The following PEG3 variants were observed in gnomAD, a reference collection of about 807,000 sequenced individuals.
The protein encoded by PEG3 is paternally expressed 3, also known as paternally-expressed gene 3 protein.
A neutral mutation model predicts 35.5 loss-of-function variants in PEG3; 23 were observed. The ratio of observed to expected loss-of-function variants is 0.65; its 90% CI spans 0.47 to 0.92. PEG3 has a LOEUF of 0.92. Ranked by LOEUF, PEG3 falls within the 40% of genes least tolerant of loss-of-function variation. The pLI, the probability that PEG3 is intolerant of heterozygous loss-of-function variation, is 0.00. For missense variants in PEG3, 1,960 were observed against 1,985.3 expected (o/e 0.99, Z 0.24); for synonymous variants, 707 against 697.0 (o/e 1.01, Z -0.23).
rs112514758 is a variant in PEG3 at position 56,815,917 on chromosome 19, T to G, written c.2525A>C (p.Lys842Thr). 1.2e-6 allele frequency: 2 copies of G among 1,610,722 alleles called. No homozygotes were observed. Among genetic ancestry groups the G allele is most frequent in the Admixed American group, 3.3e-5 (2 of 59,742 alleles). Residue 842 changes from lysine (K) to threonine (T), a missense_variant, in exon 10 of 10, where the codon AAA (lysine) becomes ACA (threonine). Lys to Thr is a moderately conservative substitution (Grantham distance 78). Coordinates refer to ENST00000326441, the MANE Select transcript of PEG3 (RefSeq NM_006210.3). The part of the protein sequence containing the change: ...RSVIHSLVAS[K>T]PPRSHNGNEL... ...ATTTCCATTGTGACTTCTTGGAGGT[T>G]TGGAAGCCACTAAGCTATGGATAAC...
In PEG3 at chr19:56,812,167, A is replaced by C. The variant is rs1257795646; in HGVS notation, c.*1508T>G. The C allele has an allele frequency of 6.2e-6, 6 of 963,388 alleles. No homozygotes were observed. The Admixed American group carries it at 3.1e-4, about 50-fold the overall frequency. 59.7% of individuals were successfully genotyped at this position (963,388 alleles called of 1,614,324 possible). A position where few individuals can be genotyped will look rare whatever the true frequency, so the allele number is the denominator to read the frequency against. On this transcript the variant is annotated 3_prime_UTR_variant, in exon 10 of 10. Coordinates refer to ENST00000326441, the MANE Select transcript of PEG3 (RefSeq NM_006210.3). Reference sequence around the variant, plus strand: ...TTTTTTTTCCAGCCAACTCAAGGCCAAAAAAAATTTCTTAATATAGTTATT... The same window carrying C: ...TTTTTTTTCCAGCCAACTCAAGGCCCAAAAAAATTTCTTAATATAGTTATT...
rs2060066183 is a variant in PEG3 at position 56,817,266 on chromosome 19, C to T, written c.1176G>A (p.Arg392=). Residue 392 remains arginine, a synonymous_variant, in exon 10 of 10, where the codon AGG becomes AGA. Coordinates refer to ENST00000326441, the MANE Select transcript of PEG3 (RefSeq NM_006210.3). ...VSRKRVLERK[R]RYHFDTDGKG... is the part of the protein sequence containing the mutation. ...TCCCATCTGTGTCAAAATGATAGCG[C>T]CTCTTTCTTTCAAGAACTCTCTTTC... 2 of 1,613,978 alleles carry T rather than the reference C, an allele frequency of 1.2e-6. No individual in the cohort carries two copies. The highest frequency in any genetic ancestry group is 2.7e-5 in the African/African-American group (2 of 74,892).
At chr19:56,832,402 G>A (rs758819985) in intron 2 of PEG3, among the ~76,000 whole-genome samples, 1 of 152,158 alleles carries the variant, frequency 6.6e-6, no homozygotes, top group Admixed American at 6.5e-5. Flanking sequence ...CACGCATCAA[G>A]CTCCACACCC....
At chr19:56,830,623 G>C (rs1165917361) in intron 2 of PEG3, among the ~76,000 whole-genome samples, 1 of 152,062 alleles carries the variant, frequency 6.6e-6, no homozygotes, top group Admixed American at 6.5e-5. Flanking sequence ...TATAAATATG[G>C]GGCAAGCATT....
Position 56,810,480 on chromosome 19 carries a change from G to A in PEG3, c.*3195C>T. The A allele has an allele frequency of 1.0e-6, 1 of 984,972 alleles. No homozygotes were observed. Among genetic ancestry groups the A allele is most frequent in the Non-Finnish European group, 1.2e-6 (1 of 829,518 alleles). The allele number at this position is 984,972 out of a possible 1,614,324, so 61.0% of individuals were successfully genotyped here. A position where few individuals can be genotyped will look rare whatever the true frequency, so the allele number is the denominator to read the frequency against. On this transcript the variant is annotated 3_prime_UTR_variant, in exon 10 of 10. Coordinates refer to ENST00000326441, the MANE Select transcript of PEG3 (RefSeq NM_006210.3). ...CCTAATAATCACAGACTAGTGCACAGATCAAGATGTTAACAGTTAATTGTT... is the reference window on the plus strand; with the variant it reads ...CCTAATAATCACAGACTAGTGCACAAATCAAGATGTTAACAGTTAATTGTT...
At chr19:56,838,847 C>A (rs2062555635) in intron 1 of PEG3, among the ~76,000 whole-genome samples, 1 of 152,180 alleles carries the variant, frequency 6.6e-6, no homozygotes, top group South Asian at 2.1e-4. Context: ...AACCGTGGCC[C>A]CGCCCCTCCC....
In PEG3 at chr19:56,814,205, C is replaced by T. The variant is rs1389655072; in HGVS notation, c.4237G>A (p.Val1413Met). ...TCTCCGTTTGGCTCAGCAGCCTCCA[C>T]TTCTGGCTCAGCAGCCTCCACTTCT... The part of the protein sequence containing the change: ...EPEVEAAEPE[V>M]EAAEPNGEAE... Residue 1413 changes from valine (V) to methionine (M), a missense_variant, in exon 10 of 10, where the codon GTG becomes ATG. Val to Met is a conservative substitution (Grantham distance 21). Coordinates refer to ENST00000326441, the MANE Select transcript of PEG3 (RefSeq NM_006210.3). The surrounding 1 kb of genome is among the most constrained non-coding windows in gnomAD (Gnocchi z 5.8). The T allele has an allele frequency of 6.2e-7, 1 of 1,611,528 alleles. No individual in the cohort carries two copies. The highest frequency in any genetic ancestry group is 8.5e-7 in the Non-Finnish European group (1 of 1,178,268).
intron 4 of PEG3, 111 bp downstream of exon 4, chr19:56,824,151 C>T (rs2060787566): frequency 1.3e-6 from 2 of 1,495,486 alleles, no homozygotes; most frequent in African/African-American, 2.8e-5. Flanking sequence ...CCCACCGCTG[C>T]CCAGGACAGA....
At chr19:56,836,951 G>A (rs1199571670) in intron 1 of PEG3, among the ~76,000 whole-genome samples, 2 of 136,034 alleles carry the variant, frequency 1.5e-5, no homozygotes, top group African/African-American at 5.7e-5. Flanking sequence ...GCCTGGGTGA[G>A]AGGGCCAGAC....
At position 56,811,064 on chromosome 19, in the gene PEG3, G is replaced by A; in HGVS notation, c.*2611C>T. ...ACAGAAACAAGAATGAACAAGATAA[G>A]AGGAGAGTATATGTCTTTGGATGGT... On this transcript the variant is annotated 3_prime_UTR_variant, in exon 10 of 10. Coordinates refer to ENST00000326441, the MANE Select transcript of PEG3 (RefSeq NM_006210.3). The A allele has an allele frequency of 1.0e-6, 1 of 977,078 alleles. No homozygotes were observed. Among genetic ancestry groups the A allele is most frequent in the Non-Finnish European group, 1.2e-6 (1 of 824,340 alleles). The allele number at this position is 977,078 out of a possible 1,614,324, so 60.5% of individuals were successfully genotyped here. A position where few individuals can be genotyped will look rare whatever the true frequency, so the allele number is the denominator to read the frequency against.
At chr19:56,819,300 C>T (rs185288899) in intron 7 of PEG3, among the ~76,000 whole-genome samples, 1 of 152,336 alleles carries the variant, frequency 6.6e-6, no homozygotes, top group African/African-American at 2.4e-5. Flanking sequence ...CTCCAGTTTG[C>T]ACAATTTCCA....
chr19:56,817,421 A>G lies in PEG3; in HGVS notation c.1021T>C (p.Phe341Leu). The G allele has an allele frequency of 6.2e-7, 1 of 1,614,038 alleles. No homozygotes were observed. Among genetic ancestry groups the G allele is most frequent in the Non-Finnish European group, 8.5e-7 (1 of 1,179,954 alleles). The part of the protein sequence containing the change: ...ARESSDRSQR[F>L]PRMSDDNWKD... ...CAGTTATCATCTGACATTCTGGGGA[A>G]TCTCTGTGACCGGTCGCTTGACTCC... Residue 341 changes from phenylalanine to leucine, a missense_variant, in exon 10 of 10, where the codon TTC becomes CTC. Around this residue, in one of 5 missense-constraint regions of PEG3, gnomAD observed 613 missense variants for 577.1 expected, o/e 1.06. Coordinates refer to ENST00000326441, the MANE Select transcript of PEG3 (RefSeq NM_006210.3).
At chr19:56,829,291 C>T (rs112997664) in intron 2 of PEG3, among the ~76,000 whole-genome samples, 5,720 of 147,346 alleles carry the variant, frequency 0.039, 347 homozygotes, top group African/African-American at 0.14. Flanking sequence ...TTGCAGTGAG[C>T]CAAAATCGCA....
chr19:56,820,056 T>C (rs759189024), intron 7 of PEG3, among the ~76,000 whole-genome samples: 4 of 152,224 alleles, frequency 2.6e-5, no homozygotes, highest in East Asian at 1.9e-4. Flanking sequence ...CACGCTTTGA[T>C]TGAAAATTAA....
At position 56,811,943 on chromosome 19, in the gene PEG3, C is replaced by T. The variant is rs1428954809; in HGVS notation, c.*1732G>A. ...CCCTTCTTTGACTCACTCATTTCTGCTTCTTGCTCTCAGCTCTACAATCTT... is the reference window on the plus strand; with the variant it reads ...CCCTTCTTTGACTCACTCATTTCTGTTTCTTGCTCTCAGCTCTACAATCTT... On this transcript the variant is annotated 3_prime_UTR_variant, in exon 10 of 10. Coordinates refer to ENST00000326441, the MANE Select transcript of PEG3 (RefSeq NM_006210.3). 6 of 985,192 alleles carry T rather than the reference C, an allele frequency of 6.1e-6. No individual in the cohort carries two copies. Among genetic ancestry groups the T allele is most frequent in the Non-Finnish European group, 7.2e-6 (6 of 829,858 alleles). The allele number at this position is 985,192 out of a possible 1,614,324, so 61.0% of individuals were successfully genotyped here.
In PEG3 at chr19:56,815,252, G is replaced by C; in HGVS notation, c.3190C>G (p.Gln1064Glu). ...DQEKSHGEES[Q>E]GENTDGEETH... ...TCCTCCCCATCAGTATTCTCGCCTT[G>C]AGACTCCTCGCCATGAGACTTCTCT... Residue 1064 changes from glutamine (Q) to glutamate (E), a missense_variant, in exon 10 of 10, where the codon CAA (glutamine) becomes GAA (glutamate). Around this residue, in one of 5 missense-constraint regions of PEG3, gnomAD observed 798 missense variants for 782.4 expected, o/e 1.02. Transcript: ENST00000326441. 6.2e-7 allele frequency: 1 copy of C among 1,614,170 alleles called. No individual in the cohort carries two copies. The highest frequency in any genetic ancestry group is 8.5e-7 in the Non-Finnish European group (1 of 1,180,042).
At position 56,811,264 on chromosome 19, in the gene PEG3, A is replaced by G; in HGVS notation, c.*2411T>C. ...ACTATAAGCCTACAACAACAACACC[A>G]CAACAGCTTTTGACTATAAGCATAT... is the stretch of plus-strand genomic sequence containing the variant. On this transcript the variant is annotated 3_prime_UTR_variant, in exon 10 of 10. Coordinates refer to ENST00000326441, the MANE Select transcript of PEG3 (RefSeq NM_006210.3). 1 of 944,694 alleles carries G rather than the reference A, an allele frequency of 1.1e-6. No individual in the cohort carries two copies. Among genetic ancestry groups the G allele is most frequent in the East Asian group, 1.2e-4 (1 of 8,634 alleles). 58.5% of individuals were successfully genotyped at this position (944,694 alleles called of 1,614,324 possible).
chr19:56,816,471 GTT>G lies in PEG3; in HGVS notation c.1969_1970del (p.Asn657GlnfsTer3). ...KIHTRGNPFE[N>X]KGKVCEETFI... ...AGGTTTCCTCACACACTTTACCCTT[GTT>G]TTCAAATGGGTTCCCTCTAGTATGG... On this transcript the variant is annotated frameshift_variant, in exon 10 of 10. Transcript: ENST00000326441. LOFTEE classifies it low-confidence loss of function (END_TRUNC). 1 of 1,613,470 alleles carries G rather than the reference GTT, an allele frequency of 6.2e-7. No individual in the cohort carries two copies. Among genetic ancestry groups the G allele is most frequent in the Non-Finnish European group, 8.5e-7 (1 of 1,179,722 alleles).
rs746934903 is a variant in PEG3 at position 56,814,226 on chromosome 19, C to A, written c.4216G>T (p.Val1406Leu). 2.5e-6 allele frequency: 4 copies of A among 1,613,148 alleles called. No homozygotes were observed. Among genetic ancestry groups the A allele is most frequent in the Non-Finnish European group, 3.4e-6 (4 of 1,179,528 alleles). ...EPEVEAAEPE[V>L]EAAEPEVEAA... ...TCCACTTCTGGCTCAGCAGCCTCCA[C>A]TTCTGGCTCGGCAGCCTCCACTTCT... The change falls in exon 10 of 10, where the codon GTG becomes TTG. Residue 1406 changes from valine (V) to leucine (L), a missense_variant. Val to Leu is a conservative substitution (Grantham distance 32, BLOSUM62 1). Coordinates refer to ENST00000326441, the MANE Select transcript of PEG3 (RefSeq NM_006210.3). The surrounding 1 kb of genome is among the most constrained non-coding windows in gnomAD (Gnocchi z 5.8).
Sources: gnomAD v4.1 joint callset for allele counts (sites outside exome capture counted in the v4.1 genomes callset) on GRCh38, gnomAD v4.1.1 for gene constraint, gnomAD v4.1.1 regional missense constraint, Gnocchi (gnomAD v3.1) non-coding constraint, MANE v1.5 for transcripts, NCBI Gene and HGNC (gene_info 2026-07-23, HGNC 2026-07-21) for gene names.